Variants in STOX2 observed in about 807,000 individuals in gnomAD.
STOX2 encodes storkhead-box protein 2.
In STOX2, 28 loss-of-function variants were observed where a neutral mutation model predicts 60.9. The observed-to-expected ratio is 0.46, with a 90% CI of 0.34 to 0.63. The LOEUF (loss-of-function observed/expected upper bound fraction) is 0.63. Ranked by LOEUF, STOX2 falls within the 30% of genes least tolerant of loss-of-function variation. STOX2 has a pLI of 0.01. For synonymous variants in STOX2, 472 were observed against 463.9 expected (o/e 1.02, Z -0.22); for missense variants, 1,024 against 1,187.7 (o/e 0.86, Z 2.03).
rs988837217 is a variant in STOX2, at chr4:183,865,291, CTCT to C, written c.364+67241_364+67243del. Among the ~76,000 whole-genome samples the C allele has an allele frequency of 1.5e-4, 23 of 152,166 alleles. No homozygotes were observed. Among genetic ancestry groups the C allele is most frequent in the Non-Finnish European group, 7.4e-5 (5 of 68,024 alleles). On this transcript the variant is annotated intron_variant, in intron 1 of 2. Coordinates refer to the STOX2 transcript ENST00000513034. This position sits in a 1 kb window ranked among gnomAD's most constrained non-coding sequence, Gnocchi z 4.1. The stretch of plus-strand genomic sequence containing the variant: ...TTTGAAATCTGATTATTTATTCTCT[CTCT>C]TCTTAGATACTCGGTTTTAAAGTGA...
At chr4:183,854,587 T>C (rs1209556243) in intron 1 of STOX2, among the ~76,000 whole-genome samples, 2 of 152,160 alleles carry the variant, frequency 1.3e-5, no homozygotes, top group Non-Finnish European at 2.9e-5. Flanking sequence ...TAGCAAGTAG[T>C]GAATAAGAGA....
In STOX2 at chr4:183,947,811, A is replaced by G. The variant is rs1742940349; in HGVS notation, c.166+40855A>G. Among the ~76,000 whole-genome samples, 3 of 152,282 alleles carry G rather than the reference A, an allele frequency of 2.0e-5. No individual in the cohort carries two copies. In the South Asian group the frequency reaches 6.2e-4, roughly 32 times the overall value. ...CCTCTGTGTCTCAATACAATTTTGT[A>G]CATACTAATATTACTGCAGTTAGCA... is the stretch of plus-strand genomic sequence containing the variant. On this transcript the variant is annotated intron_variant, in intron 1 of 3. Coordinates refer to ENST00000308497, the MANE Select transcript of STOX2 (RefSeq NM_020225.3).
At position 184,011,228 on chromosome 4, in the gene STOX2, A is replaced by G; in HGVS notation, c.2390A>G (p.Glu797Gly). The part of the protein sequence containing the change: ...NKNTEEEKNR[E>G]DVGTMQWLLE... ...AACACAGAGGAGGAGAAAAATAGAG[A>G]GGACGTAGGCACCATGCAGTGGCTC... Residue 797 changes from glutamate (E) to glycine (G), a missense_variant, in exon 3 of 4, where the codon GAG (glutamate) becomes GGG (glycine). Glu to Gly is a moderately conservative substitution (Grantham distance 98). Coordinates refer to ENST00000308497, the MANE Select transcript of STOX2 (RefSeq NM_020225.3). This position sits in a 1 kb window ranked among gnomAD's most constrained non-coding sequence, Gnocchi z 4.4. 1 of 1,610,396 alleles carries G rather than the reference A, an allele frequency of 6.2e-7. No homozygotes were observed. The highest frequency in any genetic ancestry group is 8.5e-7 in the Non-Finnish European group (1 of 1,178,616).
intron 1 of STOX2, among the ~76,000 whole-genome samples, chr4:183,799,410 CATT>C (rs1259237247): frequency 1.3e-5 from 2 of 152,238 alleles, no homozygotes; most frequent in Non-Finnish European, 2.9e-5. Flanking sequence ...GACTGTGACA[CATT>C]AGGACGTAAG....
intron 1 of STOX2, among the ~76,000 whole-genome samples, chr4:183,841,135 G>A (rs1412305047): frequency 6.6e-6 from 1 of 152,104 alleles, no homozygotes; most frequent in African/African-American, 2.4e-5. Flanking sequence ...CCCGTGCTGG[G>A]ATTACAGGCG....
chr4:183,814,915 T>A (rs929189081), intron 1 of STOX2, among the ~76,000 whole-genome samples: 1 of 152,232 alleles, frequency 6.6e-6, no homozygotes, highest in African/African-American at 2.4e-5. Flanking sequence ...ATGATGTTAC[T>A]TTGAGTATAA....
At chr4:183,979,991 A>G (rs1732590754) in intron 1 of STOX2, among the ~76,000 whole-genome samples, 1 of 152,206 alleles carries the variant, frequency 6.6e-6, no homozygotes, top group South Asian at 2.1e-4. Context: ...AGATTAACTT[A>G]TAATTAAATA....
intron 1 of STOX2, among the ~76,000 whole-genome samples, chr4:183,928,726 T>C (rs190800074): frequency 6.6e-6 from 1 of 151,738 alleles, no homozygotes; most frequent in African/African-American, 2.4e-5. Flanking sequence ...CAACTTAGTG[T>C]CTCAGGAGGC....
chr4:183,869,909 T>C (rs1034525348), intron 1 of STOX2, among the ~76,000 whole-genome samples: 1 of 152,156 alleles, frequency 6.6e-6, no homozygotes, highest in Non-Finnish European at 1.5e-5. Flanking sequence ...TGGGCTTAAT[T>C]ATGGTGGGAC....
chr4:183,880,204 G>A (rs571001615), intron 1 of STOX2, among the ~76,000 whole-genome samples: 1 of 152,006 alleles, frequency 6.6e-6, no homozygotes, highest in South Asian at 2.1e-4. Flanking sequence ...GGCTGGTCTC[G>A]AACTCCTGAC....
Position 183,988,566 on chromosome 4 carries a change from C to T in STOX2, c.167-12759C>T, listed in dbSNP as rs368415013. 5.2e-5 allele frequency: 8 copies of T among 152,492 alleles called. No individual in the cohort carries two copies. In the East Asian group the frequency reaches 1.2e-3, roughly 22 times the overall value. The allele number at this position is 152,492 out of a possible 1,614,324, so 9.4% of individuals were successfully genotyped here. ...AAGAAGAGCTGAGAGTTCTGGAACTCATTTTTAAAAAGTAGATCTACGAAG... is the reference window on the plus strand; with the variant it reads ...AAGAAGAGCTGAGAGTTCTGGAACTTATTTTTAAAAAGTAGATCTACGAAG... On this transcript the variant is annotated intron_variant, in intron 1 of 3. Transcript: ENST00000308497.
chr4:183,862,859 C>G (rs1192869404), intron 1 of STOX2, among the ~76,000 whole-genome samples: 2 of 152,190 alleles, frequency 1.3e-5, no homozygotes, highest in African/African-American at 4.8e-5. Context: ...AACACAGGGC[C>G]TCCCTGGACC....
intron 1 of STOX2, among the ~76,000 whole-genome samples, chr4:183,850,111 C>T (rs1740080111): frequency 6.6e-6 from 1 of 151,908 alleles, no homozygotes; most frequent in Non-Finnish European, 1.5e-5. Flanking sequence ...TTACAGGCTC[C>T]AGCCACCACA....
At chr4:183,995,713 CAG>C (rs976049250) in intron 1 of STOX2, among the ~76,000 whole-genome samples, 2 of 152,208 alleles carry the variant, frequency 1.3e-5, no homozygotes, top group African/African-American at 4.8e-5. Flanking sequence ...TGTATGAAAA[CAG>C]GGGCAGTGCC....
intron 3 of STOX2, 64 bp from the exon 4 acceptor site, chr4:184,017,025 G>A: frequency 1.5e-6 from 2 of 1,370,378 alleles, no homozygotes; most frequent in South Asian, 1.5e-5. Flanking sequence ...CTCTTCCTCT[G>A]GGGCTCAATT....
At chr4:183,899,190 C>T (rs1741408856) in intron 1 of STOX2, among the ~76,000 whole-genome samples, 1 of 152,176 alleles carries the variant, frequency 6.6e-6, no homozygotes, top group Non-Finnish European at 1.5e-5. Context: ...TCTGACTGTT[C>T]CAATGACTGG....
intron 1 of STOX2, among the ~76,000 whole-genome samples, chr4:183,994,810 A>G (rs765099596): frequency 4.6e-5 from 7 of 152,218 alleles, no homozygotes; most frequent in Non-Finnish European, 7.3e-5. Flanking sequence ...TTGTTTTGGT[A>G]CAAGAATTTC....
rs578154230 is a variant in STOX2, at chr4:183,931,859, G to A, written c.166+24903G>A. Among the ~76,000 whole-genome samples the A allele has an allele frequency of 1.7e-3, 255 of 152,324 alleles. 1 individual carries two copies. The highest frequency in any genetic ancestry group is 5.8e-3 in the African/African-American group (243 of 41,574). ...GGAATTTGCATGCTCTTAAGAAGCA[G>A]TAAATGAGAAACTGTAGAGAGTGTT... On this transcript the variant is annotated intron_variant, in intron 1 of 3. Coordinates refer to ENST00000308497, the MANE Select transcript of STOX2 (RefSeq NM_020225.3).
At chr4:183,891,194 TCA>T (rs1038115859) in intron 1 of STOX2, among the ~76,000 whole-genome samples, 83 of 152,054 alleles carry the variant, frequency 5.5e-4, no homozygotes, top group African/African-American at 1.8e-3. Context: ...GTCTGTGTGC[TCA>T]CAGTTTGCAA....
Sources: gnomAD v4.1 joint callset for allele counts (sites outside exome capture counted in the v4.1 genomes callset) on GRCh38, gnomAD v4.1.1 for gene constraint, Gnocchi (gnomAD v3.1) non-coding constraint, MANE v1.5 for transcripts, NCBI Gene and HGNC (gene_info 2026-07-23, HGNC 2026-07-21) for gene names.